FKBP3: variants seen among roughly 807,000 people sequenced by gnomAD.
FKBP3 encodes peptidyl-prolyl cis-trans isomerase FKBP3.
A neutral mutation model predicts 30.6 loss-of-function variants in FKBP3; 21 were observed. The ratio of observed to expected loss-of-function variants is 0.69; its 90% CI spans 0.49 to 0.99. The LOEUF is 0.99. FKBP3 is among the 50% of genes least tolerant of loss of function. FKBP3 has a pLI of 0.00. For synonymous variants in FKBP3, 82 were observed against 91.3 expected (o/e 0.90, Z 0.58); for missense variants, 283 against 261.6 (o/e 1.08, Z -0.56).
intron 3 of FKBP3, among the ~76,000 whole-genome samples, chr14:45,127,160 C>T (rs1374284991): frequency 7.2e-5 from 10 of 138,958 alleles, no homozygotes; most frequent in African/African-American, 1.2e-4. Context: ...GTTGCCCAGG[C>T]TGGAGTACAA....
intron 3 of FKBP3, among the ~76,000 whole-genome samples, chr14:45,127,406 T>G (rs1255498151): frequency 6.6e-6 from 1 of 151,966 alleles, no homozygotes; most frequent in African/African-American, 2.4e-5. Flanking sequence ...TGAGCCACCA[T>G]GCCTGGCCTC....
At chr14:45,132,346 A>G (rs1361951198) in intron 1 of FKBP3, among the ~76,000 whole-genome samples, 2 of 152,152 alleles carry the variant, frequency 1.3e-5, no homozygotes, top group Non-Finnish European at 1.5e-5. Context: ...TCTTATGATT[A>G]ATAAAATAAT....
At chr14:45,119,577 A>C (rs1408831181) in intron 5 of FKBP3, among the ~76,000 whole-genome samples, 1 of 152,168 alleles carries the variant, frequency 6.6e-6, no homozygotes, top group Non-Finnish European at 1.5e-5. Context: ...CTCAAAAAAA[A>C]AGAATACGGT....
rs1884825329 is a variant in FKBP3 at position 45,116,035 on chromosome 14, C to T, written c.*163G>A. 1.8e-6 allele frequency: 1 copy of T among 567,792 alleles called. No individual in the cohort carries two copies. Among genetic ancestry groups the T allele is most frequent in the Non-Finnish European group, 3.2e-6 (1 of 311,984 alleles). 35.2% of individuals were successfully genotyped at this position (567,792 alleles called of 1,614,324 possible). A position where few individuals can be genotyped will look rare whatever the true frequency, so the allele number is the denominator to read the frequency against. ...GACCAGGGATTCATAAGGGATTTAT[C>T]TCTCAAAAGCTGGGACCAAGTAAAC... On this transcript the variant is annotated 3_prime_UTR_variant, in exon 7 of 7. Transcript: ENST00000396062.
chr14:45,125,184 G>A (rs1885070736), intron 3 of FKBP3, among the ~76,000 whole-genome samples: 1 of 152,198 alleles, frequency 6.6e-6, no homozygotes, highest in Non-Finnish European at 1.5e-5. Flanking sequence ...CCAAAGTGTT[G>A]GGATTACAGG....
chr14:45,118,946 T>A (rs559298645), intron 5 of FKBP3, among the ~76,000 whole-genome samples: 1 of 152,248 alleles, frequency 6.6e-6, no homozygotes, highest in East Asian at 1.9e-4. Context: ...AGCCTCTGCC[T>A]CCCGGGTTTA....
chr14:45,116,978 G>A (rs924893017), intron 6 of FKBP3, among the ~76,000 whole-genome samples: 4 of 148,454 alleles, frequency 2.7e-5, no homozygotes, highest in South Asian at 2.2e-4. Context: ...TGATTTCCCC[G>A]CCCCCCCCAC....
At chr14:45,131,811 C>T (rs1248373731) in intron 1 of FKBP3, among the ~76,000 whole-genome samples, 1 of 152,082 alleles carries the variant, frequency 6.6e-6, no homozygotes, top group Non-Finnish European at 1.5e-5. Flanking sequence ...GCCTGTCACA[C>T]AGTAAGAACT....
intron 3 of FKBP3, among the ~76,000 whole-genome samples, chr14:45,126,595 T>C (rs1397726210): frequency 1.3e-5 from 2 of 152,104 alleles, no homozygotes; most frequent in African/African-American, 2.4e-5. Context: ...AATTTGGATA[T>C]ATATTGAAGA....
intron 3 of FKBP3, among the ~76,000 whole-genome samples, chr14:45,123,958 C>T (rs1286436116): frequency 6.6e-6 from 1 of 151,892 alleles, no homozygotes; most frequent in East Asian, 1.9e-4. Flanking sequence ...CTCCACAAAT[C>T]AGACTGGAGT....
rs757731413 is a variant in FKBP3, at chr14:45,134,395, G to GGCAGCTGCTCACTGC, written c.47_61dup (p.Arg16_Leu20dup). The GGCAGCTGCTCACTGC allele has an allele frequency of 6.2e-7, 1 of 1,613,760 alleles. No homozygotes were observed. The highest frequency in any genetic ancestry group is 1.1e-5 in the South Asian group (1 of 91,074). ...CAGAAACTTGATAATGTCCTTCTTG[G>GGCAGCTGCTCACTGC]GCAGCTGCTCACTGCGCAGCTGCTC... is the stretch of plus-strand genomic sequence containing the variant. On this transcript the variant is annotated inframe_insertion, in exon 1 of 7. Coordinates refer to ENST00000396062, the MANE Select transcript of FKBP3 (RefSeq NM_002013.4).
At chr14:45,116,782 G>T (rs1884852473) in intron 6 of FKBP3, among the ~76,000 whole-genome samples, 1 of 152,062 alleles carries the variant, frequency 6.6e-6, no homozygotes, top group African/African-American at 2.4e-5. Flanking sequence ...CTTGAGCCCG[G>T]GAGGCAGAGG....
At chr14:45,126,164 A>G (rs1358692008) in intron 3 of FKBP3, among the ~76,000 whole-genome samples, 1 of 150,752 alleles carries the variant, frequency 6.6e-6, no homozygotes, top group Non-Finnish European at 1.5e-5. Flanking sequence ...GTGCTGGGAT[A>G]ATAGGCGTGA....
chr14:45,129,568 C>G (rs1012834962), intron 3 of FKBP3, among the ~76,000 whole-genome samples: 9 of 152,116 alleles, frequency 5.9e-5, no homozygotes, highest in African/African-American at 2.2e-4. Context: ...AATACAATAT[C>G]AGAAGTGTTT....
intron 3 of FKBP3, 139 bp downstream of exon 3, chr14:45,129,655 C>T: frequency 2.0e-6 from 1 of 509,644 alleles, no homozygotes; most frequent in Non-Finnish European, 3.4e-6. Flanking sequence ...GGAAATGGCC[C>T]ACTACATTAA....
intron 3 of FKBP3, among the ~76,000 whole-genome samples, chr14:45,122,244 G>C (rs1174609066): frequency 3.9e-5 from 6 of 151,934 alleles, no homozygotes; most frequent in Non-Finnish European, 7.4e-5. Flanking sequence ...GAGGAAAGCA[G>C]ACAGAGGAAC....
chr14:45,121,478 G>A lies in FKBP3; in HGVS notation c.454+7C>T. 3 of 1,609,052 alleles carry A rather than the reference G, an allele frequency of 1.9e-6. No homozygotes were observed. The highest frequency in any genetic ancestry group is 2.5e-6 in the Non-Finnish European group (3 of 1,177,310). On this transcript the variant is annotated splice_region_variant and intron_variant, in intron 4 of 6. Coordinates refer to ENST00000396062, the MANE Select transcript of FKBP3 (RefSeq NM_002013.4). Reference sequence around the variant, plus strand: ...AGCCAAAAACATAAGATTCCATTTAGACTTACTTGTTTGAATATTAGTATC... The same window carrying A: ...AGCCAAAAACATAAGATTCCATTTAAACTTACTTGTTTGAATATTAGTATC...
intron 6 of FKBP3, among the ~76,000 whole-genome samples, chr14:45,117,022 A>G (rs929161459): frequency 9.4e-5 from 14 of 148,856 alleles, no homozygotes; most frequent in Non-Finnish European, 1.9e-4. Flanking sequence ...TCCAGGCTGG[A>G]GTGCAGTGGC....
At chr14:45,134,286 A>T in intron 1 of FKBP3, 63 bp downstream of exon 1, 1 of 1,297,968 alleles carries the variant, frequency 7.7e-7, no homozygotes, top group Non-Finnish European at 1.1e-6. Flanking sequence ...ATGTATGGGC[A>T]TCTCCAGGGG....
Sources: gnomAD v4.1 joint callset for allele counts (sites outside exome capture counted in the v4.1 genomes callset) on GRCh38, gnomAD v4.1.1 for gene constraint, MANE v1.5 for transcripts, NCBI Gene and HGNC (gene_info 2026-07-23, HGNC 2026-07-21) for gene names.